The following KCNK1 variants were observed in gnomAD, a reference collection of about 807,000 sequenced individuals.
KCNK1 encodes the protein potassium channel subfamily K member 1.
In KCNK1, 10 loss-of-function variants were observed where a neutral mutation model predicts 22.2. The observed-to-expected ratio is 0.45, with a 90% CI of 0.28 to 0.76. The LOEUF (loss-of-function observed/expected upper bound fraction) is 0.76. Ranked by LOEUF, KCNK1 falls within the 30% of genes least tolerant of loss-of-function variation. The probability of loss-of-function intolerance (pLI) is 0.14; values close to 1 mark genes in which losing one functional copy is unlikely to be tolerated. For missense variants in KCNK1, 378 were observed against 421.0 expected, an observed-to-expected ratio of 0.90 and a Z score of 0.89; for synonymous variants, 200 against 186.4, an observed-to-expected ratio of 1.07 and a Z score of -0.60.
At chr1:233,663,962 G>A (rs1411732202) in intron 1 of KCNK1, among the ~76,000 whole-genome samples, 1 of 152,054 alleles carries the variant, frequency 6.6e-6, no homozygotes, top group Admixed American at 6.5e-5. Context: ...CTCCCAAGTA[G>A]CTGGGATTAC....
At chr1:233,645,478 C>G (rs1377513495) in intron 1 of KCNK1, among the ~76,000 whole-genome samples, 1 of 152,124 alleles carries the variant, frequency 6.6e-6, no homozygotes, top group East Asian at 1.9e-4. Flanking sequence ...CATGTGGAGA[C>G]AGAGGCAGAG....
intron 1 of KCNK1, among the ~76,000 whole-genome samples, chr1:233,619,011 C>T (rs1030811986): frequency 1.3e-5 from 2 of 151,974 alleles, no homozygotes; most frequent in Non-Finnish European, 2.9e-5. Flanking sequence ...AGTTCCTGTT[C>T]CTTTTTGTTT....
rs137871805 is a variant in KCNK1, at chr1:233,666,454, C to T, written c.356-141C>T. The T allele has an allele frequency of 3.1e-4, 212 of 675,620 alleles. 2 individuals are homozygous for T. The African/African-American group carries it at 3.5e-3, about 11-fold the overall frequency. The allele number at this position is 675,620 out of a possible 1,614,324, so 41.9% of individuals were successfully genotyped here. ...TGGGACATGACAATTATACTAGAGC[C>T]CCTAAAGTGGCAGACCTGAAGTCTC... On this transcript the variant is annotated intron_variant, in intron 1 of 2. Coordinates refer to ENST00000366621, the MANE Select transcript of KCNK1 (RefSeq NM_002245.4).
chr1:233,664,436 G>A (rs1321824496), intron 1 of KCNK1, among the ~76,000 whole-genome samples: 3 of 152,074 alleles, frequency 2.0e-5, no homozygotes, highest in Non-Finnish European at 2.9e-5. Flanking sequence ...CTTTCAATAT[G>A]ATGCCCAAAA....
intron 1 of KCNK1, among the ~76,000 whole-genome samples, chr1:233,621,464 T>G (rs544534954): frequency 6.6e-6 from 1 of 152,352 alleles, no homozygotes; most frequent in East Asian, 1.9e-4. Flanking sequence ...ACAGAATCTT[T>G]TAAGTCTTTA....
At chr1:233,651,595 G>A (rs538177649) in intron 1 of KCNK1, among the ~76,000 whole-genome samples, 14 of 152,264 alleles carry the variant, frequency 9.2e-5, no homozygotes, top group African/African-American at 3.1e-4. Flanking sequence ...GAAAGAAAAA[G>A]GGGCATACTA....
At chr1:233,633,620 A>G (rs1326183753) in intron 1 of KCNK1, among the ~76,000 whole-genome samples, 1 of 152,208 alleles carries the variant, frequency 6.6e-6, no homozygotes, top group Non-Finnish European at 1.5e-5. Context: ...CCTGTAAAAT[A>G]CTAAATTTAT....
chr1:233,620,004 C>T (rs1401714936), intron 1 of KCNK1, among the ~76,000 whole-genome samples: 1 of 152,018 alleles, frequency 6.6e-6, no homozygotes, highest in Admixed American at 6.6e-5. Flanking sequence ...TAGCCCACCA[C>T]CTGTTTTTGT....
chr1:233,671,637 T>A lies in KCNK1; in HGVS notation c.*107T>A. ...TGCAAAAGCGAAAATTATGTCACTT[T>A]AAGAAATAGCTACTGTTTGCAATGT... is the stretch of plus-strand genomic sequence containing the variant. On this transcript the variant is annotated 3_prime_UTR_variant, in exon 3 of 3. Transcript: ENST00000366621. 2 of 1,291,362 alleles carry A rather than the reference T, an allele frequency of 1.5e-6. No individual in the cohort carries two copies. Among genetic ancestry groups the A allele is most frequent in the Non-Finnish European group, 2.2e-6 (2 of 928,198 alleles). The allele number at this position is 1,291,362 out of a possible 1,614,324, so 80.0% of individuals were successfully genotyped here. A position where few individuals can be genotyped will look rare whatever the true frequency, so the allele number is the denominator to read the frequency against.
chr1:233,620,839 CA>C (rs950534763), intron 1 of KCNK1, among the ~76,000 whole-genome samples: 114 of 152,210 alleles, frequency 7.5e-4, no homozygotes, highest in African/African-American at 2.7e-3. Context: ...TAAAAAATTC[CA>C]AACTAAAATT....
At chr1:233,622,187 G>A (rs771504713) in intron 1 of KCNK1, among the ~76,000 whole-genome samples, 1 of 152,170 alleles carries the variant, frequency 6.6e-6, no homozygotes, top group Non-Finnish European at 1.5e-5. Flanking sequence ...CATGTGAATT[G>A]CCGACACTCA....
chr1:233,666,327 A>G (rs1042188458), intron 1 of KCNK1, among the ~76,000 whole-genome samples: 17 of 152,164 alleles, frequency 1.1e-4, no homozygotes, highest in African/African-American at 3.9e-4. Flanking sequence ...TGAGCCTGAT[A>G]GTGAATTCAA....
chr1:233,665,183 C>T (rs1448535299), intron 1 of KCNK1, among the ~76,000 whole-genome samples: 1 of 152,004 alleles, frequency 6.6e-6, no homozygotes, highest in Non-Finnish European at 1.5e-5. Flanking sequence ...CAGAAATGAC[C>T]GGGGGGTGGG....
chr1:233,652,802 G>A (rs2102902597), intron 1 of KCNK1, among the ~76,000 whole-genome samples: 1 of 152,290 alleles, frequency 6.6e-6, no homozygotes, highest in East Asian at 1.9e-4. Context: ...GTTGGGTTGG[G>A]ACTGTTTCTA....
intron 1 of KCNK1, among the ~76,000 whole-genome samples, chr1:233,615,249 C>A (rs1443275190): frequency 6.6e-6 from 1 of 152,224 alleles, no homozygotes; most frequent in Non-Finnish European, 1.5e-5. Flanking sequence ...AATTGGGGCA[C>A]CCTGATTCAG....
At chr1:233,621,882 C>T (rs146267455) in intron 1 of KCNK1, among the ~76,000 whole-genome samples, 1 of 152,222 alleles carries the variant, frequency 6.6e-6, no homozygotes, top group African/African-American at 2.4e-5. Flanking sequence ...TTGATTGAAC[C>T]AGTATCCTAA....
intron 1 of KCNK1, among the ~76,000 whole-genome samples, chr1:233,647,331 G>A (rs1658116894): frequency 6.6e-6 from 1 of 152,192 alleles, no homozygotes; most frequent in Non-Finnish European, 1.5e-5. Context: ...AATGTCAGTG[G>A]TGCTGTCAAA....
chr1:233,662,263 CT>C (rs1215853154), intron 1 of KCNK1, among the ~76,000 whole-genome samples: 70 of 138,794 alleles, frequency 5.0e-4, no homozygotes, highest in Admixed American at 2.2e-3. Context: ...TCTTCTTCTT[CT>C]TCTTCTTCTC....
At chr1:233,642,588 G>T (rs1571897058) in intron 1 of KCNK1, among the ~76,000 whole-genome samples, 2 of 152,320 alleles carry the variant, frequency 1.3e-5, no homozygotes, top group East Asian at 3.9e-4. Context: ...GGACAGGTGG[G>T]CAGGGCTTGT....
Sources: allele counts gnomAD v4.1 joint callset (sites outside exome capture counted in the v4.1 genomes callset), GRCh38; gene constraint gnomAD v4.1.1; transcripts MANE v1.5; gene names NCBI Gene and HGNC (gene_info 2026-07-23, HGNC 2026-07-21).